Variants in PIK3CB observed in about 807,000 individuals in gnomAD.
The protein encoded by PIK3CB is phosphatidylinositol-4,5-bisphosphate 3-kinase catalytic subunit beta.
Under a neutral mutation model 136.8 loss-of-function variants are expected in PIK3CB, and 39 were observed. The observed-to-expected ratio is 0.29, with a 90% CI of 0.22 to 0.37. PIK3CB has a LOEUF of 0.37. Among genes scored for constraint, PIK3CB ranks in the 10% least tolerant of loss-of-function variants. The pLI is 1.00. For synonymous variants in PIK3CB, 428 were observed against 436.6 expected (o/e 0.98, Z 0.25); for missense variants, 868 against 1,275.4 (o/e 0.68, Z 4.87).
At chr3:138,678,053 G>A (rs1014662880) in intron 19 of PIK3CB, among the ~76,000 whole-genome samples, 4 of 152,084 alleles carry the variant, frequency 2.6e-5, no homozygotes, top group South Asian at 2.1e-4. Flanking sequence ...TGGGAGGATC[G>A]CTTGAGGCCA....
Position 138,834,767 on chromosome 3 carries a change from G to A in PIK3CB, c.-194C>T, listed in dbSNP as rs1164664618. Reference sequence around the variant, plus strand: ...GTCAGCAGCCCAGGCCGCCGCAACCGCTCCACTCCGGCGCCCCCATCCCTG... The same window carrying A: ...GTCAGCAGCCCAGGCCGCCGCAACCACTCCACTCCGGCGCCCCCATCCCTG... On this transcript the variant is annotated 5_prime_UTR_variant, in exon 1 of 24. Coordinates refer to ENST00000674063, the MANE Select transcript of PIK3CB (RefSeq NM_006219.3). 6.5e-6 allele frequency: 1 copy of A among 153,446 alleles called. No individual in the cohort carries two copies. Among genetic ancestry groups the A allele is most frequent in the Non-Finnish European group, 1.4e-5 (1 of 69,410 alleles). 9.5% of individuals were successfully genotyped at this position (153,446 alleles called of 1,614,324 possible). A position where few individuals can be genotyped will look rare whatever the true frequency, so the allele number is the denominator to read the frequency against.
intron 19 of PIK3CB, among the ~76,000 whole-genome samples, chr3:138,667,135 G>A (rs576772864): frequency 9.7e-4 from 146 of 149,896 alleles, no homozygotes; most frequent in African/African-American, 3.2e-3. Flanking sequence ...CTTGAACCCA[G>A]GAGGCGGAGG....
chr3:138,764,869 A>G (rs1363733143), intron 2 of PIK3CB, among the ~76,000 whole-genome samples: 1 of 152,206 alleles, frequency 6.6e-6, no homozygotes, highest in Non-Finnish European at 1.5e-5. Context: ...CACCCAGGAC[A>G]TACCTGTGAC....
chr3:138,736,338 A>G (rs1298176250), intron 6 of PIK3CB, among the ~76,000 whole-genome samples: 6 of 152,234 alleles, frequency 3.9e-5, no homozygotes, highest in Non-Finnish European at 5.9e-5. Flanking sequence ...AAACCTGAGA[A>G]GAGGTGTAAC....
chr3:138,723,108 GTT>G (rs1488839099), intron 8 of PIK3CB, among the ~76,000 whole-genome samples: 3 of 151,862 alleles, frequency 2.0e-5, no homozygotes, highest in African/African-American at 4.8e-5. Flanking sequence ...AAAAAAAGAA[GTT>G]TTTGTTTTCA....
rs1173939335 is a variant in PIK3CB, at chr3:138,759,300, AG to A, written c.43del (p.Asp16ThrfsTer9). On this transcript the variant is annotated frameshift_variant, in exon 3 of 24. Transcript: ENST00000674063. LOFTEE classifies it high-confidence loss of function. ...FIMPPAMADI[L>X]DIWAVDSQIA... ...CTGTGAATCCACCGCCCAGATGTCA[AG>A]GATGTCTGCCATAGCAGGAGGCATT... 1 of 1,612,086 alleles carries A rather than the reference AG, an allele frequency of 6.2e-7. No individual in the cohort carries two copies. The highest frequency in any genetic ancestry group is 1.3e-5 in the African/African-American group (1 of 74,932).
chr3:138,815,162 A>AAAATATATAT (rs1553743711), intron 1 of PIK3CB, among the ~76,000 whole-genome samples: 1 of 62,476 alleles, frequency 1.6e-5, no homozygotes, highest in Non-Finnish European at 3.0e-5. Flanking sequence ...AAAAAAAAAA[A>AAAATATATAT]ATATATATAT....
chr3:138,811,072 C>T (rs1334792426), intron 1 of PIK3CB, among the ~76,000 whole-genome samples: 2 of 147,928 alleles, frequency 1.4e-5, no homozygotes, highest in African/African-American at 5.0e-5. Flanking sequence ...ACTAAAAATA[C>T]AAAAATAAGC....
intron 20 of PIK3CB, 100 bp from the exon 21 acceptor site, chr3:138,664,129 A>G: frequency 7.3e-7 from 1 of 1,379,038 alleles, no homozygotes; most frequent in South Asian, 1.3e-5. Context: ...AATTGTGAGG[A>G]GAACACAGAG....
intron 3 of PIK3CB, among the ~76,000 whole-genome samples, chr3:138,757,312 G>A (rs1559865350): frequency 6.6e-6 from 1 of 151,934 alleles, no homozygotes; most frequent in African/African-American, 2.4e-5. Flanking sequence ...GCTGAAGCAG[G>A]AGAATCACTT....
chr3:138,701,249 A>C (rs1279496870), intron 12 of PIK3CB, among the ~76,000 whole-genome samples: 1 of 152,030 alleles, frequency 6.6e-6, no homozygotes, highest in African/African-American at 2.4e-5. Flanking sequence ...AAACAAAAAA[A>C]CACTGAAGAA....
chr3:138,716,315 C>A (rs1325907292), intron 8 of PIK3CB, among the ~76,000 whole-genome samples: 1 of 152,174 alleles, frequency 6.6e-6, no homozygotes, highest in African/African-American at 2.4e-5. Flanking sequence ...CTTTGCTCCT[C>A]TGCATTGGAA....
intron 3 of PIK3CB, among the ~76,000 whole-genome samples, 173 bp from the exon 4 acceptor site, chr3:138,756,152 A>G (rs970124493): frequency 6.6e-6 from 1 of 152,190 alleles, no homozygotes; most frequent in Non-Finnish European, 1.5e-5. Flanking sequence ...AATGGTGAAA[A>G]TAATAGAAAT....
chr3:138,743,367 CCT>C (rs1378725406), intron 4 of PIK3CB, among the ~76,000 whole-genome samples: 1 of 152,026 alleles, frequency 6.6e-6, no homozygotes, highest in Non-Finnish European at 1.5e-5. Context: ...CCAAAGAAAA[CCT>C]AGTACACTTA....
intron 8 of PIK3CB, among the ~76,000 whole-genome samples, chr3:138,725,239 T>C (rs927498426): frequency 1.4e-4 from 21 of 151,560 alleles, no homozygotes; most frequent in Non-Finnish European, 2.6e-4. Flanking sequence ...GTTATATACT[T>C]TAATAGATAA....
chr3:138,669,864 T>G (rs576737891), intron 19 of PIK3CB, among the ~76,000 whole-genome samples: 77 of 152,038 alleles, frequency 5.1e-4, no homozygotes, highest in Middle Eastern at 6.8e-3. Context: ...CCTAAACAGC[T>G]GGCCGAAAGA....
intron 5 of PIK3CB, among the ~76,000 whole-genome samples, chr3:138,738,452 C>T (rs1472499005): frequency 2.0e-5 from 3 of 151,970 alleles, no homozygotes; most frequent in East Asian, 3.9e-4. Context: ...ATTACAGGCA[C>T]GAGCCACCAT....
chr3:138,813,889 T>C lies in PIK3CB; in HGVS notation c.-121-17322A>G, dbSNP rs189160194. Among the ~76,000 whole-genome samples, 4 of 152,188 alleles carry C rather than the reference T, an allele frequency of 2.6e-5. No individual in the cohort carries two copies. The East Asian group carries it at 7.7e-4, about 29-fold the overall frequency. ...GGTAAAAGCTAACAAAGGTGTAAGATACACAAGTGGGGCCCTTACCACAAC... is the reference window on the plus strand; with the variant it reads ...GGTAAAAGCTAACAAAGGTGTAAGACACACAAGTGGGGCCCTTACCACAAC... On this transcript the variant is annotated intron_variant, in intron 1 of 23. Transcript: ENST00000674063.
intron 1 of PIK3CB, among the ~76,000 whole-genome samples, chr3:138,822,699 A>G (rs982433972): frequency 6.6e-5 from 10 of 150,384 alleles, no homozygotes; most frequent in African/African-American, 2.4e-4. Flanking sequence ...AAAATCAGCC[A>G]GGCGTGTGGC....
Sources: gnomAD v4.1 joint callset for allele counts (sites outside exome capture counted in the v4.1 genomes callset) on GRCh38, gnomAD v4.1.1 for gene constraint, MANE v1.5 for transcripts, NCBI Gene and HGNC (gene_info 2026-07-23, HGNC 2026-07-21) for gene names.